TBC1D22A: variants seen among roughly 807,000 people sequenced by gnomAD.
TBC1D22A encodes the protein putative GTPase activator.
In TBC1D22A, 38 loss-of-function variants were observed where a neutral mutation model predicts 60.2. The observed-to-expected ratio is 0.63, with a 90% CI of 0.49 to 0.83. TBC1D22A has a LOEUF of 0.83. Ranked by LOEUF, TBC1D22A falls within the 40% of genes least tolerant of loss-of-function variation. The pLI is 0.00. For synonymous variants in TBC1D22A, 302 were observed against 281.7 expected (o/e 1.07, Z -0.72); for missense variants, 628 against 701.0 (o/e 0.90, Z 1.18).
intron 6 of TBC1D22A, among the ~76,000 whole-genome samples, chr22:46,891,781 G>A (rs2068421178): frequency 6.6e-6 from 1 of 152,150 alleles, no homozygotes; most frequent in Non-Finnish European, 1.5e-5. Flanking sequence ...GATGGCATCA[G>A]GACAGAGAGG....
At chr22:46,827,088 G>C (rs577912188) in intron 4 of TBC1D22A, among the ~76,000 whole-genome samples, 182 of 152,230 alleles carry the variant, frequency 1.2e-3, no homozygotes, top group Non-Finnish European at 2.0e-3. Flanking sequence ...AGCAAATTAT[G>C]TTAAAATTAT....
intron 11 of TBC1D22A, among the ~76,000 whole-genome samples, chr22:47,097,924 CT>C (rs796570371): frequency 9.9e-5 from 15 of 152,200 alleles, no homozygotes; most frequent in African/African-American, 3.6e-4. Flanking sequence ...ATCTGTTTAC[CT>C]GGAAGTAGGA....
intron 4 of TBC1D22A, among the ~76,000 whole-genome samples, chr22:46,836,993 C>T (rs2147188885): frequency 7.9e-6 from 1 of 126,980 alleles, no homozygotes; most frequent in East Asian, 2.5e-4. Flanking sequence ...ATCTTGTCTC[C>T]TAAAAAAAAA....
chr22:46,808,030 AT>A (rs1169081826), intron 4 of TBC1D22A, among the ~76,000 whole-genome samples: 1 of 152,138 alleles, frequency 6.6e-6, no homozygotes, highest in Non-Finnish European at 1.5e-5. Flanking sequence ...GATGATTAAA[AT>A]AAGAAAATGG....
At chr22:47,112,600 A>G (rs2065892513) in intron 12 of TBC1D22A, among the ~76,000 whole-genome samples, 1 of 152,198 alleles carries the variant, frequency 6.6e-6, no homozygotes, top group Admixed American at 6.5e-5. Context: ...AGGAGAGACC[A>G]GACAGGTGAG....
At chr22:47,011,399 G>A (rs1298689534) in intron 10 of TBC1D22A, among the ~76,000 whole-genome samples, 1 of 152,224 alleles carries the variant, frequency 6.6e-6, no homozygotes, top group East Asian at 1.9e-4. Flanking sequence ...ATGACCCTGA[G>A]AACTGGGAGA....
In TBC1D22A at chr22:47,153,689, A is replaced by G. The variant is rs185140477; in HGVS notation, c.1426-19809A>G. Among the ~76,000 whole-genome samples, 883 of 152,262 alleles carry G rather than the reference A, an allele frequency of 5.8e-3. 7 individuals carry two copies. The highest frequency in any genetic ancestry group is 0.02 in the African/African-American group (829 of 41,542). On this transcript the variant is annotated intron_variant, in intron 12 of 12. Coordinates refer to ENST00000337137, the MANE Select transcript of TBC1D22A (RefSeq NM_014346.5). ...TGCAGGATGCCTAGGAGGTGTGCCTAGAACCCGCAGGGTGTGGTGACAGAT... is the reference window on the plus strand; with the variant it reads ...TGCAGGATGCCTAGGAGGTGTGCCTGGAACCCGCAGGGTGTGGTGACAGAT...
At chr22:47,160,600 G>A (rs1272440404) in intron 12 of TBC1D22A, among the ~76,000 whole-genome samples, 1 of 152,224 alleles carries the variant, frequency 6.6e-6, no homozygotes, top group African/African-American at 2.4e-5. Context: ...ACCACATGCT[G>A]GATTGAATAT....
chr22:46,904,126 TCTATCTATCTATCTATCTACCTAC>T (rs1188482543), intron 7 of TBC1D22A, among the ~76,000 whole-genome samples: 7 of 93,720 alleles, frequency 7.5e-5, no homozygotes, highest in African/African-American at 3.0e-4. Flanking sequence ...TATCTATCTA[TCTATCTATCTATCTATCTACCTAC>T]CTACCTACCT....
At chr22:46,989,773 A>G (rs888596682) in intron 9 of TBC1D22A, among the ~76,000 whole-genome samples, 33 of 151,782 alleles carry the variant, frequency 2.2e-4, no homozygotes, top group African/African-American at 7.7e-4. Context: ...ACACACACAC[A>G]CACACACACA....
chr22:46,941,239 T>TCACACA (rs1569247417), intron 8 of TBC1D22A, among the ~76,000 whole-genome samples: 7 of 73,454 alleles, frequency 9.5e-5, no homozygotes, highest in African/African-American at 4.3e-4. Flanking sequence ...ACACACACAG[T>TCACACA]CCACCCTTGA....
At chr22:46,869,125 C>T (rs1214214429) in intron 4 of TBC1D22A, among the ~76,000 whole-genome samples, 1 of 152,238 alleles carries the variant, frequency 6.6e-6, no homozygotes, top group Non-Finnish European at 1.5e-5. Context: ...GCCTCCTTTA[C>T]ACCCTTGTCC....
intron 9 of TBC1D22A, among the ~76,000 whole-genome samples, chr22:46,996,794 T>C (rs2075136918): frequency 6.6e-6 from 1 of 152,208 alleles, no homozygotes; most frequent in Non-Finnish European, 1.5e-5. Context: ...TAGTGTCATG[T>C]GTGTGCTCCC....
intron 4 of TBC1D22A, among the ~76,000 whole-genome samples, chr22:46,803,694 A>G (rs2085002779): frequency 6.6e-6 from 1 of 152,224 alleles, no homozygotes; most frequent in African/African-American, 2.4e-5. Context: ...GTGAGGGACG[A>G]AGATGAAAGC....
intron 11 of TBC1D22A, among the ~76,000 whole-genome samples, chr22:47,077,865 A>G (rs935521891): frequency 1.3e-5 from 2 of 152,208 alleles, no homozygotes. Flanking sequence ...CCTGTGCGCC[A>G]TGATTTGAAA....
At chr22:47,165,346 G>A (rs991000388) in intron 12 of TBC1D22A, among the ~76,000 whole-genome samples, 1 of 152,212 alleles carries the variant, frequency 6.6e-6, no homozygotes, top group Non-Finnish European at 1.5e-5. Context: ...ATAGAGGGCA[G>A]TGGTCATGAT....
At chr22:46,769,977 T>G (rs1044203014) in intron 1 of TBC1D22A, among the ~76,000 whole-genome samples, 1 of 152,114 alleles carries the variant, frequency 6.6e-6, no homozygotes, top group African/African-American at 2.4e-5. Context: ...GGCAGAATAC[T>G]GGCCCCCTAA....
chr22:46,792,851 G>C, intron 2 of TBC1D22A: 1 of 1,434,950 alleles, frequency 7.0e-7, no homozygotes, highest in East Asian at 2.5e-5. Context: ...CTTTAGCCAT[G>C]GGCAGCCTGG....
chr22:46,911,625 A>G (rs905406613), intron 7 of TBC1D22A, among the ~76,000 whole-genome samples: 12 of 152,228 alleles, frequency 7.9e-5, no homozygotes, highest in South Asian at 2.1e-4. Context: ...TCAAGTTTCA[A>G]TTGTCTTAAG....
Sources: gnomAD v4.1 joint callset for allele counts (sites outside exome capture counted in the v4.1 genomes callset) on GRCh38, gnomAD v4.1.1 for gene constraint, MANE v1.5 for transcripts, NCBI Gene and HGNC (gene_info 2026-07-23, HGNC 2026-07-21) for gene names.